The following HERC3 variants were observed in gnomAD, a reference collection of about 807,000 sequenced individuals.
The protein encoded by HERC3 is probable E3 ubiquitin-protein ligase HERC3.
A neutral mutation model predicts 129.9 loss-of-function variants in HERC3; 58 were observed. The ratio of observed to expected loss-of-function variants is 0.45; its 90% CI spans 0.36 to 0.56. The LOEUF (loss-of-function observed/expected upper bound fraction) is 0.56, where lower values mean the gene tolerates loss of function less well. HERC3 is among the 20% of genes least tolerant of loss of function. HERC3 has a pLI of 0.00. For synonymous variants in HERC3, 430 were observed against 451.0 expected, an observed-to-expected ratio of 0.95 and a Z score of 0.59; for missense variants, 835 against 1,244.2, an observed-to-expected ratio of 0.67 and a Z score of 4.95.
At chr4:88,579,091 G>A in the HERC3 span, among the ~76,000 whole-genome samples, 1 of 151,998 alleles carries the variant, frequency 6.6e-6, no homozygotes, top group Non-Finnish European at 1.5e-5. Context: ...AGATTAGTTT[G>A]TTAAGAGTGG....
At chr4:88,699,744 A>G (rs1434208091) in intron 23 of HERC3, among the ~76,000 whole-genome samples, 1 of 152,184 alleles carries the variant, frequency 6.6e-6, no homozygotes, top group Admixed American at 6.5e-5. Flanking sequence ...ACTTGCTTAA[A>G]ATATTTAGGG....
chr4:88,605,846 C>T lies in HERC3; in HGVS notation c.23C>T (p.Ser8Phe). 6.2e-7 allele frequency: 1 copy of T among 1,614,102 alleles called. No individual in the cohort carries two copies. The highest frequency in any genetic ancestry group is 1.1e-5 in the South Asian group (1 of 91,062). ...ACAATGTTATGTTGGGGATATTGGT[C>T]TCTGGGCCAACCTGGTATCAGCACC... MLCWGYW[S>F]LGQPGISTNL... The change falls in exon 3 of 26, where the codon TCT becomes TTT. Residue 8 changes from serine to phenylalanine, a missense_variant. Physicochemically the swap from Ser to Phe is radical, Grantham distance 155. Transcript: ENST00000402738.
chr4:88,704,863 C>CTTTTTTTTTTTTTTTTTTT (rs1165694315), intron 25 of HERC3, among the ~76,000 whole-genome samples: 2 of 130,672 alleles, frequency 1.5e-5, no homozygotes, highest in African/African-American at 6.0e-5. Context: ...TTCTTTCTTT[C>CTTTTTTTTTTTTTTTTTTT]TTTTTTTTTT....
chr4:88,631,235 A>T (rs1726714720), intron 3 of HERC3, among the ~76,000 whole-genome samples: 1 of 152,156 alleles, frequency 6.6e-6, no homozygotes, highest in Non-Finnish European at 1.5e-5. Context: ...CAGGCAGATC[A>T]CTTGAGGTCA....
At chr4:88,562,362 T>C in the HERC3 span, among the ~76,000 whole-genome samples, 1 of 152,208 alleles carries the variant, frequency 6.6e-6, no homozygotes. Context: ...ATTTTTTTCC[T>C]ATAGAGTTGT....
chr4:88,582,959 G>A, the HERC3 span, among the ~76,000 whole-genome samples: 1 of 152,110 alleles, frequency 6.6e-6, no homozygotes, highest in Admixed American at 6.5e-5. Context: ...CTCATATTTT[G>A]TGTGCCTCTT....
the HERC3 span, among the ~76,000 whole-genome samples, chr4:88,563,036 AG>A: frequency 6.6e-6 from 1 of 152,174 alleles, no homozygotes; most frequent in South Asian, 2.1e-4. Flanking sequence ...ACATATGTAA[AG>A]AATGTCATTG....
intron 3 of HERC3, among the ~76,000 whole-genome samples, chr4:88,647,890 G>A (rs1201422119): frequency 6.7e-6 from 1 of 148,694 alleles, no homozygotes; most frequent in Non-Finnish European, 1.5e-5. Context: ...TTCAATATTG[G>A]ACATAATCTG....
chr4:88,643,008 A>G (rs1187171248), intron 3 of HERC3, among the ~76,000 whole-genome samples: 4 of 152,192 alleles, frequency 2.6e-5, no homozygotes, highest in Admixed American at 6.5e-5. Flanking sequence ...TAAAAATTGC[A>G]GTGTCTACAT....
At position 88,707,147 on chromosome 4, in the gene HERC3, GT is replaced by G. The variant is rs1282047977; in HGVS notation, c.*189del. 3 of 596,882 alleles carry G rather than the reference GT, an allele frequency of 5.0e-6. No individual in the cohort carries two copies. In the Admixed American group the frequency reaches 9.3e-5, roughly 18 times the overall value. The allele number at this position is 596,882 out of a possible 1,614,324, so 37.0% of individuals were successfully genotyped here. On this transcript the variant is annotated 3_prime_UTR_variant, in exon 26 of 26. Transcript: ENST00000402738. Reference sequence around the variant, plus strand: ...AAACAACCTTTTTGAAAAATTAGAGGTTGGGGATGGGGTGAAAAATTGGCCC... The same window carrying G: ...AAACAACCTTTTTGAAAAATTAGAGGTGGGGATGGGGTGAAAAATTGGCCC...
intron 23 of HERC3, chr4:88,697,544 C>T (rs1263793444): frequency 1.9e-6 from 3 of 1,613,972 alleles, no homozygotes; most frequent in East Asian, 2.2e-5. Flanking sequence ...GGCAGGCTCT[C>T]GATAAAGTCA....
At chr4:88,654,158 T>G (rs745937743) in intron 7 of HERC3, 25 bp downstream of exon 7, 1 of 1,521,900 alleles carries the variant, frequency 6.6e-7, no homozygotes, top group Non-Finnish European at 9.1e-7. Context: ...GTATTTTACT[T>G]TGGTGCTGGG....
At chr4:88,638,633 C>T (rs1346075438) in intron 3 of HERC3, among the ~76,000 whole-genome samples, 3 of 151,708 alleles carry the variant, frequency 2.0e-5, no homozygotes, top group Admixed American at 6.6e-5. Flanking sequence ...CAGCCAGTAT[C>T]GTACTGAATA....
chr4:88,523,885 C>G, the HERC3 span: 1 of 577,672 alleles, frequency 1.7e-6, no homozygotes, highest in East Asian at 3.3e-5. Context: ...GCTTTTCCCA[C>G]GGGCGTCATC....
At chr4:88,540,653 C>T in the HERC3 span, among the ~76,000 whole-genome samples, 2 of 152,076 alleles carry the variant, frequency 1.3e-5, no homozygotes, top group Admixed American at 1.3e-4. Context: ...GTCAGATTCA[C>T]CAAGGTTGAA....
the HERC3 span, among the ~76,000 whole-genome samples, chr4:88,550,131 G>C: frequency 6.6e-6 from 1 of 152,148 alleles, no homozygotes; most frequent in Non-Finnish European, 1.5e-5. Flanking sequence ...TGTGCTAGGA[G>C]AGAAATTACC....
intron 3 of HERC3, among the ~76,000 whole-genome samples, chr4:88,625,316 G>A (rs746939363): frequency 2.0e-5 from 3 of 152,030 alleles, no homozygotes; most frequent in Non-Finnish European, 4.4e-5. Context: ...TGGATCTTTC[G>A]ATTCATGAAC....
At chr4:88,675,241 G>A (rs1578292268) in intron 16 of HERC3, among the ~76,000 whole-genome samples, 2 of 152,304 alleles carry the variant, frequency 1.3e-5, no homozygotes, top group Admixed American at 1.3e-4. Context: ...TATGCAGCAA[G>A]CCAGGACCAC....
chr4:88,565,482 T>C, the HERC3 span, among the ~76,000 whole-genome samples: 16 of 152,182 alleles, frequency 1.1e-4, no homozygotes, highest in African/African-American at 3.6e-4. Flanking sequence ...TTTATCATTA[T>C]ACAATGATTT....
Sources: allele counts gnomAD v4.1 joint callset (sites outside exome capture counted in the v4.1 genomes callset), GRCh38; gene constraint gnomAD v4.1.1; transcripts MANE v1.5; gene names NCBI Gene and HGNC (gene_info 2026-07-23, HGNC 2026-07-21).